Variants in DOCK2 observed in about 807,000 individuals in gnomAD.
DOCK2 encodes dedicator of cytokinesis 2.
In DOCK2, 87 loss-of-function variants were observed where a neutral mutation model predicts 248.9. That is an observed-to-expected ratio of 0.35 (90% CI 0.29 to 0.42). The LOEUF (loss-of-function observed/expected upper bound fraction) is 0.42, where lower values mean the gene tolerates loss of function less well. DOCK2 is among the 10% of genes least tolerant of loss of function. The pLI, the probability that DOCK2 is intolerant of heterozygous loss-of-function variation, is 1.00. For missense variants in DOCK2, 1,747 were observed against 2,300.2 expected (o/e 0.76, Z 4.92); for synonymous variants, 805 against 821.6 (o/e 0.98, Z 0.35).
intron 26 of DOCK2, among the ~76,000 whole-genome samples, chr5:169,821,892 C>T (rs62384824): frequency 4.6e-5 from 7 of 151,916 alleles, no homozygotes; most frequent in East Asian, 3.9e-4. Context: ...TGCAGAGACA[C>T]GCATAGGCTT....
chr5:169,803,780 G>C (rs1341864368), intron 26 of DOCK2, among the ~76,000 whole-genome samples: 4 of 152,176 alleles, frequency 2.6e-5, no homozygotes, highest in Admixed American at 2.6e-4. Context: ...GAAACCAAAG[G>C]AAAGTCTCAG....
chr5:169,804,727 C>T (rs929509409), intron 26 of DOCK2, among the ~76,000 whole-genome samples: 1 of 152,014 alleles, frequency 6.6e-6, no homozygotes, highest in Admixed American at 6.6e-5. Flanking sequence ...CATTCAAGGC[C>T]AAATAAATAG....
rs149106608 is a variant in DOCK2, at chr5:169,714,389, A to G, written c.1873A>G (p.Met625Val). 34 of 1,614,066 alleles carry G rather than the reference A, an allele frequency of 2.1e-5. No homozygotes were observed. In the African/African-American group the frequency reaches 3.5e-4, roughly 16 times the overall value. The change falls in exon 19 of 52, where the codon ATG (methionine) becomes GTG (valine). Residue 625 changes from methionine to valine, a missense_variant. Transcript: ENST00000520908. ...CTTGCTGGGTTTGCTGAAGTGGCGTATGAAGCCTCAACTGCTACAGGAGAA... is the reference window on the plus strand; with the variant it reads ...CTTGCTGGGTTTGCTGAAGTGGCGTGTGAAGCCTCAACTGCTACAGGAGAA... ...VGLLGLLKWR[M>V]KPQLLQENLE...
intron 23 of DOCK2, among the ~76,000 whole-genome samples, chr5:169,758,894 T>G (rs946835187): frequency 1.3e-5 from 2 of 152,200 alleles, no homozygotes; most frequent in African/African-American, 4.8e-5. Flanking sequence ...TGTTAAAGGG[T>G]GATACATGTT....
rs9791113 is a variant in DOCK2 at position 170,027,937 on chromosome 5, C to G, written c.3456C>G (p.Leu1152=). The part of the protein sequence containing the change: ...GGRGDEQYMQ[L]LESILMECAA... Reference sequence around the variant, plus strand: ...GAGGCGACGAGCAGTACATGCAGCTCCTGGAGTCAATGTAAGTTCAGTGCC... The same window carrying G: ...GAGGCGACGAGCAGTACATGCAGCTGCTGGAGTCAATGTAAGTTCAGTGCC... Residue 1152 remains leucine (L), a synonymous_variant, in exon 34 of 52, where the codon CTC becomes CTG. Coordinates refer to ENST00000520908, the MANE Select transcript of DOCK2 (RefSeq NM_004946.3). 579,580 of 1,609,376 alleles carry G rather than the reference C, an allele frequency of 0.36. 108,811 individuals carry two copies. The highest frequency in any genetic ancestry group is 0.56 in the East Asian group (25,250 of 44,740).
chr5:169,966,862 C>T (rs1487062088), intron 27 of DOCK2, among the ~76,000 whole-genome samples: 3 of 152,180 alleles, frequency 2.0e-5, no homozygotes, highest in Non-Finnish European at 4.4e-5. Flanking sequence ...AGACTTTGGT[C>T]TAATGTTTTT....
intron 45 of DOCK2, among the ~76,000 whole-genome samples, chr5:170,068,748 T>G (rs908598571): frequency 1.3e-5 from 2 of 152,168 alleles, no homozygotes; most frequent in African/African-American, 4.8e-5. Context: ...TTCTCAAACT[T>G]GAAAGGAGCA....
intron 22 of DOCK2, among the ~76,000 whole-genome samples, chr5:169,741,606 A>G (rs1472034681): frequency 6.6e-6 from 1 of 152,136 alleles, no homozygotes; most frequent in Non-Finnish European, 1.5e-5. Context: ...TTATTGGCTC[A>G]GGGGAAGGAA....
At chr5:169,655,353 T>C (rs1323227580) in intron 2 of DOCK2, among the ~76,000 whole-genome samples, 1 of 152,144 alleles carries the variant, frequency 6.6e-6, no homozygotes, top group East Asian at 1.9e-4. Flanking sequence ...GAGAGTGTAT[T>C]GAGCACATAG....
intron 27 of DOCK2, among the ~76,000 whole-genome samples, chr5:169,889,068 T>C (rs61258191): frequency 0.035 from 5,311 of 152,306 alleles, 184 homozygotes; most frequent in African/African-American, 0.089. Context: ...TGGTCTACTC[T>C]GAGTCCTTAC....
chr5:169,963,656 A>AC, intron 27 of DOCK2, among the ~76,000 whole-genome samples: 1 of 151,596 alleles, frequency 6.6e-6, no homozygotes, highest in East Asian at 1.9e-4. Flanking sequence ...ATGTTAACCC[A>AC]CCCCCTCACC....
intron 35 of DOCK2, 46 bp from the exon 36 acceptor site, chr5:170,036,469 T>C (rs752319618): frequency 1.9e-6 from 3 of 1,592,694 alleles, no homozygotes; most frequent in East Asian, 4.5e-5. Flanking sequence ...ACCGCTGTGA[T>C]ATTGCAGAGA....
At chr5:170,026,047 C>T (rs1198575318) in intron 33 of DOCK2, among the ~76,000 whole-genome samples, 1 of 152,008 alleles carries the variant, frequency 6.6e-6, no homozygotes, top group Non-Finnish European at 1.5e-5. Flanking sequence ...AAGTCTTCCC[C>T]AACTGAGGCA....
chr5:169,756,534 A>AT (rs1225504197), intron 23 of DOCK2, among the ~76,000 whole-genome samples: 1 of 152,200 alleles, frequency 6.6e-6, no homozygotes, highest in Non-Finnish European at 1.5e-5. Context: ...GAGTGAACAA[A>AT]TGAGCCTAGG....
chr5:169,662,953 A>G (rs1411600299), intron 2 of DOCK2, among the ~76,000 whole-genome samples: 1 of 152,228 alleles, frequency 6.6e-6, no homozygotes, highest in Non-Finnish European at 1.5e-5. Context: ...GCATTAACTC[A>G]AAAGGCCAAG....
chr5:169,658,475 G>A (rs1487828686), intron 2 of DOCK2, among the ~76,000 whole-genome samples: 8 of 63,664 alleles, frequency 1.3e-4, no homozygotes, highest in East Asian at 4.1e-4. Flanking sequence ...GCAAGCCTCC[G>A]TCTCAAAAAA....
intron 50 of DOCK2, chr5:170,080,831 G>A (rs1332107388): frequency 6.4e-6 from 1 of 155,196 alleles, no homozygotes. Flanking sequence ...CAGGGGACAT[G>A]GCATGCCTGA....
At chr5:169,926,855 T>G (rs1022784390) in intron 27 of DOCK2, among the ~76,000 whole-genome samples, 1 of 152,126 alleles carries the variant, frequency 6.6e-6, no homozygotes, top group Non-Finnish European at 1.5e-5. Context: ...TGTCCCTCCC[T>G]CTAGGTCTTC....
chr5:169,751,837 T>C (rs1018167303), intron 23 of DOCK2, among the ~76,000 whole-genome samples: 11 of 152,182 alleles, frequency 7.2e-5, no homozygotes, highest in African/African-American at 2.4e-4. Flanking sequence ...GATCTTCATA[T>C]ACAGTGTTTT....
Sources: gnomAD v4.1 joint callset for allele counts (sites outside exome capture counted in the v4.1 genomes callset) on GRCh38, gnomAD v4.1.1 for gene constraint, MANE v1.5 for transcripts, NCBI Gene and HGNC (gene_info 2026-07-23, HGNC 2026-07-21) for gene names.